The following ETF1 variants were observed in gnomAD, a reference collection of about 807,000 sequenced individuals.
ETF1 encodes the protein eukaryotic translation termination factor 1.
Under a neutral mutation model 55.1 loss-of-function variants are expected in ETF1, and 4 were observed. The ratio of observed to expected loss-of-function variants is 0.07; its 90% CI spans 0.04 to 0.17. The LOEUF is 0.17. Among genes scored for constraint, ETF1 ranks in the 10% least tolerant of loss-of-function variants. The pLI is 1.00. For missense variants in ETF1, 142 were observed against 523.6 expected (o/e 0.27, Z 7.11); for synonymous variants, 157 against 182.3 (o/e 0.86, Z 1.12).
chr5:138,514,915 C>T (rs1764955173), intron 4 of ETF1, among the ~76,000 whole-genome samples: 1 of 152,122 alleles, frequency 6.6e-6, no homozygotes, highest in Non-Finnish European at 1.5e-5. Context: ...AGGGGACAAT[C>T]TCTTTGGAAG....
At position 138,513,603 on chromosome 5, in the gene ETF1, A is replaced by G; in HGVS notation, c.506T>C (p.Leu169Pro). The G allele has an allele frequency of 6.2e-7, 1 of 1,610,460 alleles. No homozygotes were observed. The highest frequency in any genetic ancestry group is 1.1e-5 in the South Asian group (1 of 90,936). Residue 169 changes from leucine (L) to proline (P), a missense_variant, in exon 5 of 11, where the codon CTG becomes CCG. Physicochemically the swap from Leu to Pro is moderately conservative, Grantham distance 98 (BLOSUM62 -3). Coordinates refer to ENST00000360541, the MANE Select transcript of ETF1 (RefSeq NM_004730.4). ...TGGGAGATCCACAGTGAATTTGTGC[A>G]GGACTTCTCTTGTGTTTCCTTGGAG... Reference protein sequence around the residue: ...GTLQGNTREVLHKFTVDLPKK... With the variant: ...GTLQGNTREVPHKFTVDLPKK...
intron 2 of ETF1, among the ~76,000 whole-genome samples, chr5:138,525,597 C>G (rs1765435346): frequency 6.6e-6 from 1 of 152,292 alleles, no homozygotes; most frequent in South Asian, 2.1e-4. Flanking sequence ...ATTGAGCTGA[C>G]TTACATCTTG....
At chr5:138,527,584 T>C (rs1483056333) in intron 2 of ETF1, among the ~76,000 whole-genome samples, 3 of 152,300 alleles carry the variant, frequency 2.0e-5, no homozygotes, top group East Asian at 3.9e-4. Flanking sequence ...ACTGGGCAAC[T>C]AAACAGAACT....
chr5:138,508,241 G>A lies in ETF1; in HGVS notation c.*64C>T. 6.4e-7 allele frequency: 1 copy of A among 1,555,122 alleles called. No individual in the cohort carries two copies. The highest frequency in any genetic ancestry group is 8.8e-7 in the Non-Finnish European group (1 of 1,141,092). On this transcript the variant is annotated 3_prime_UTR_variant, in exon 11 of 11. Transcript: ENST00000360541. ...CAGGGATCTGTTTGGATTCCACCATGGGTATGCTCCTTGGGTTGGATGCTG... is the reference window on the plus strand; with the variant it reads ...CAGGGATCTGTTTGGATTCCACCATAGGTATGCTCCTTGGGTTGGATGCTG...
rs772925604 is a variant in ETF1, at chr5:138,541,472, C to T, written c.86+1361G>A. The stretch of plus-strand genomic sequence containing the variant: ...AAACTTTTAGAAGCCTCATTCCAAA[C>T]AGAACTGTCCCTAATTTATTAAGAA... On this transcript the variant is annotated intron_variant, in intron 2 of 10. Coordinates refer to ENST00000360541, the MANE Select transcript of ETF1 (RefSeq NM_004730.4). 4 of 1,364,596 alleles carry T rather than the reference C, an allele frequency of 2.9e-6. No homozygotes were observed. In the South Asian group the frequency reaches 5.0e-5, roughly 17 times the overall value. The allele number at this position is 1,364,596 out of a possible 1,614,324, so 84.5% of individuals were successfully genotyped here.
At chr5:138,523,778 G>A (rs1005874805) in intron 2 of ETF1, among the ~76,000 whole-genome samples, 2 of 152,142 alleles carry the variant, frequency 1.3e-5, no homozygotes, top group African/African-American at 4.8e-5. Flanking sequence ...GCACTTTAAA[G>A]GGGAAAGGCT....
intron 7 of ETF1, 119 bp from the exon 8 acceptor site, chr5:138,511,319 A>T: frequency 6.6e-7 from 1 of 1,517,660 alleles, no homozygotes; most frequent in Non-Finnish European, 8.8e-7. Flanking sequence ...GAGGCAAAAG[A>T]GTTAATAAAA....
chr5:138,536,504 C>T (rs575980464), intron 2 of ETF1, among the ~76,000 whole-genome samples: 3 of 152,170 alleles, frequency 2.0e-5, no homozygotes, highest in Middle Eastern at 3.4e-3. Context: ...TCTAACCTGC[C>T]GGGGAAAAAA....
At chr5:138,527,358 C>CT (rs1258752528) in intron 2 of ETF1, among the ~76,000 whole-genome samples, 1 of 152,234 alleles carries the variant, frequency 6.6e-6, no homozygotes, top group Non-Finnish European at 1.5e-5. Flanking sequence ...GTGTGCTCTG[C>CT]TGCCACCCCT....
chr5:138,517,597 C>A lies in ETF1; in HGVS notation c.366G>T (p.Thr122=). Residue 122 remains threonine, a synonymous_variant, in exon 4 of 11, where the codon ACG becomes ACT. Transcript: ENST00000360541. ...IDFEPFKPIN[T]SLYLCDNKFH... is the part of the protein sequence containing the mutation. ...ATTTGTTGTCACACAAATACAATGA[C>A]GTATTAATTGGTTTGAAAGGTTCAA... is the stretch of plus-strand genomic sequence containing the variant. 1.9e-6 allele frequency: 3 copies of A among 1,593,708 alleles called. No homozygotes were observed. Among genetic ancestry groups the A allele is most frequent in the Non-Finnish European group, 2.6e-6 (3 of 1,166,954 alleles).
At chr5:138,531,782 C>T (rs1215647798) in intron 2 of ETF1, among the ~76,000 whole-genome samples, 2 of 152,192 alleles carry the variant, frequency 1.3e-5, no homozygotes, top group African/African-American at 2.4e-5. Flanking sequence ...TGCAGTGGTT[C>T]ACACCTGTAA....
rs928029132 is a variant in ETF1 at position 138,507,862 on chromosome 5, A to G, written c.*443T>C. 1.3e-5 allele frequency: 2 copies of G among 157,586 alleles called. No individual in the cohort carries two copies. The highest frequency in any genetic ancestry group is 4.8e-5 in the African/African-American group (2 of 41,508). The allele number at this position is 157,586 out of a possible 1,614,324, so 9.8% of individuals were successfully genotyped here. A position where few individuals can be genotyped will look rare whatever the true frequency, so the allele number is the denominator to read the frequency against. The stretch of plus-strand genomic sequence containing the variant: ...TGCCATGTAAATGGGTCACTGCGAA[A>G]TGCAGCAATTTAATTTTTCTCCAAT... On this transcript the variant is annotated 3_prime_UTR_variant, in exon 11 of 11. Coordinates refer to ENST00000360541, the MANE Select transcript of ETF1 (RefSeq NM_004730.4).
At chr5:138,542,669 C>G (rs1766233301) in intron 2 of ETF1, 164 bp downstream of exon 2, 1 of 1,440,632 alleles carries the variant, frequency 6.9e-7, no homozygotes, top group Non-Finnish European at 9.1e-7. Context: ...TCGGGCCAAC[C>G]GCGCCGACCC....
At position 138,527,055 on chromosome 5, in the gene ETF1, T is replaced by C. The variant is rs753811308; in HGVS notation, c.87-8188A>G. ...GGTTTCACCATGTTGGTCGGGCTGG[T>C]CTGGAACTCCTGAGCTCATGATCCA... On this transcript the variant is annotated intron_variant, in intron 2 of 10. Transcript: ENST00000360541. Among the ~76,000 whole-genome samples, 30 of 152,156 alleles carry C rather than the reference T, an allele frequency of 2.0e-4. 1 individual carries two copies. The highest frequency in any genetic ancestry group is 6.3e-3 in the Middle Eastern group (2 of 316).
chr5:138,535,718 CAAA>C (rs1160282241), intron 2 of ETF1, among the ~76,000 whole-genome samples: 1 of 116,730 alleles, frequency 8.6e-6, no homozygotes. Context: ...AAGACCGTCT[CAAA>C]AAAAAAAAAA....
rs2127144432 is a variant in ETF1 at position 138,543,208 on chromosome 5, T to C, written c.-130A>G. On this transcript the variant is annotated 5_prime_UTR_variant, in exon 1 of 11. Transcript: ENST00000360541. Reference sequence around the variant, plus strand: ...CCCTCTCTCCAGGCAGCTGCATGTGTTGCAATCCGCTCACATGGGGCCTGT... The same window carrying C: ...CCCTCTCTCCAGGCAGCTGCATGTGCTGCAATCCGCTCACATGGGGCCTGT... The C allele has an allele frequency of 1.9e-6, 1 of 523,024 alleles. No homozygotes were observed. The highest frequency in any genetic ancestry group is 3.4e-6 in the Non-Finnish European group (1 of 294,920). The allele number at this position is 523,024 out of a possible 1,614,324, so 32.4% of individuals were successfully genotyped here. A position where few individuals can be genotyped will look rare whatever the true frequency, so the allele number is the denominator to read the frequency against.
At chr5:138,530,287 T>G (rs567235423) in intron 2 of ETF1, among the ~76,000 whole-genome samples, 1 of 152,194 alleles carries the variant, frequency 6.6e-6, no homozygotes, top group South Asian at 2.1e-4. Context: ...GAAAGATTTT[T>G]TTTTTCTCTG....
intron 2 of ETF1, among the ~76,000 whole-genome samples, chr5:138,537,712 C>T (rs947688389): frequency 1.3e-5 from 2 of 151,294 alleles, no homozygotes; most frequent in South Asian, 2.1e-4. Flanking sequence ...CTCAGCCTCC[C>T]GAGTAGCTGG....
intron 2 of ETF1, 186 bp from the exon 3 acceptor site, chr5:138,519,053 T>C: frequency 1.0e-6 from 1 of 984,404 alleles, no homozygotes; most frequent in Non-Finnish European, 1.2e-6. Context: ...GGAACAGTGT[T>C]CAGAATCTAG....
Sources: allele counts gnomAD v4.1 joint callset (sites outside exome capture counted in the v4.1 genomes callset), GRCh38; gene constraint gnomAD v4.1.1; transcripts MANE v1.5; gene names NCBI Gene and HGNC (gene_info 2026-07-23, HGNC 2026-07-21).